PDLIM7: variants seen among roughly 807,000 people sequenced by gnomAD.
The protein encoded by PDLIM7 is PDZ and LIM domain protein 7.
In PDLIM7, 37 loss-of-function variants were observed where a neutral mutation model predicts 53.9. The ratio of observed to expected loss-of-function variants is 0.69; its 90% CI spans 0.53 to 0.90. The LOEUF (loss-of-function observed/expected upper bound fraction) is 0.90, where lower values mean the gene tolerates loss of function less well. PDLIM7 is among the 40% of genes least tolerant of loss of function. PDLIM7 has a pLI of 0.00. For synonymous variants in PDLIM7, 300 were observed against 261.3 expected, an observed-to-expected ratio of 1.15 and a Z score of -1.43; for missense variants, 617 against 638.5, an observed-to-expected ratio of 0.97 and a Z score of 0.36.
At position 177,484,089 on chromosome 5, in the gene PDLIM7, G is replaced by T; in HGVS notation, c.1152C>A (p.Gly384=). The change falls in exon 11 of 13, where the codon GGC becomes GGA. Residue 384 remains glycine (G), a synonymous_variant. Transcript: ENST00000355841. ...GGGTACCTCGCTCGCAATAGGGCAC[G>T]CCCTCCTCCATGTAGAAGGCCCTGT... ...IRNRAFYMEE[G]VPYCERDYEK... The T allele has an allele frequency of 6.2e-7, 1 of 1,613,990 alleles. No homozygotes were observed. Among genetic ancestry groups the T allele is most frequent in the South Asian group, 1.1e-5 (1 of 91,074 alleles).
chr5:177,483,570 AC>A lies in PDLIM7; in HGVS notation c.*73del, dbSNP rs1581748599. 8.7e-7 allele frequency: 1 copy of A among 1,142,946 alleles called. No homozygotes were observed. The highest frequency in any genetic ancestry group is 1.3e-6 in the Non-Finnish European group (1 of 780,574). 70.8% of individuals were successfully genotyped at this position (1,142,946 alleles called of 1,614,324 possible). A position where few individuals can be genotyped will look rare whatever the true frequency, so the allele number is the denominator to read the frequency against. On this transcript the variant is annotated 3_prime_UTR_variant, in exon 13 of 13. Transcript: ENST00000355841. ...GGTTAAGGCAACCATTGCCAGCCCT[AC>A]CCAGAAATGCAGGGCCACGACTCCA...
chr5:177,484,189 T>A lies in PDLIM7; in HGVS notation c.1052A>T (p.Glu351Val). 1 of 1,613,112 alleles carries A rather than the reference T, an allele frequency of 6.2e-7. No homozygotes were observed. The highest frequency in any genetic ancestry group is 8.5e-7 in the Non-Finnish European group (1 of 1,179,904). ...GGTCATCTTCAGGGCGTGCATGATC[T>A]CCTGGAAGGAGGTCCCAGTCACTCG... is the stretch of plus-strand genomic sequence containing the variant. ...CAKCKKKITG[E>V]IMHALKMTWH... The change falls in exon 11 of 13, where the codon GAG (glutamate) becomes GTG (valine). Residue 351 changes from glutamate (E) to valine (V), a missense_variant and splice_region_variant. Transcript: ENST00000355841.
chr5:177,489,588 G>C lies in PDLIM7; in HGVS notation c.674C>G (p.Ala225Gly), dbSNP rs1314275589. Residue 225 changes from alanine (A) to glycine (G), a missense_variant, in exon 9 of 13, where the codon GCT becomes GGT. Physicochemically the swap from Ala to Gly is moderately conservative, Grantham distance 60. Transcript: ENST00000355841. ...GCGCTCGGCAAACGCAGGGTCCACA[G>C]CCCAGGGCGGGCGGCTGGTAGGGCT... is the stretch of plus-strand genomic sequence containing the variant. Reference protein sequence around the residue: ...APSPTSRPPWAVDPAFAERYA... With the variant: ...APSPTSRPPWGVDPAFAERYA... The C allele has an allele frequency of 6.2e-7, 1 of 1,607,838 alleles. No individual in the cohort carries two copies. Among genetic ancestry groups the C allele is most frequent in the East Asian group, 2.2e-5 (1 of 44,756 alleles).
chr5:177,492,349 C>T, intron 4 of PDLIM7, 56 bp downstream of exon 4: 3 of 1,598,474 alleles, frequency 1.9e-6, no homozygotes, highest in Non-Finnish European at 1.7e-6. Flanking sequence ...GGCGAGCAGG[C>T]CTGGCCGTCC....
chr5:177,492,910 T>C (rs1433907139), intron 2 of PDLIM7: 12 of 546,530 alleles, frequency 2.2e-5, no homozygotes, highest in Non-Finnish European at 3.9e-5. Flanking sequence ...TGCCAGACCC[T>C]CTCCCTCAGG....
intron 9 of PDLIM7, among the ~76,000 whole-genome samples, chr5:177,488,926 AG>A (rs1222855561): frequency 6.7e-6 from 1 of 150,222 alleles, no homozygotes; most frequent in Non-Finnish European, 1.5e-5. Context: ...AGATGAGAGC[AG>A]GCCAGGCCTG....
chr5:177,493,662 G>A (rs1758917495), intron 2 of PDLIM7, among the ~76,000 whole-genome samples: 1 of 152,222 alleles, frequency 6.6e-6, no homozygotes, highest in South Asian at 2.1e-4. Flanking sequence ...GGGTGACCCT[G>A]ATAAACCCCT....
At chr5:177,496,876 G>C (rs1370314930) in intron 1 of PDLIM7, 1 of 169,862 alleles carries the variant, frequency 5.9e-6, no homozygotes, top group East Asian at 1.6e-4. Context: ...GTCAGGGGCC[G>C]GCTCTCCTCT....
At chr5:177,492,490 C>T in intron 3 of PDLIM7, 36 bp downstream of exon 3, 2 of 1,613,624 alleles carry the variant, frequency 1.2e-6, no homozygotes. Flanking sequence ...TCCCCACTGC[C>T]AGCGCGGGCG....
chr5:177,483,924 C>T lies in PDLIM7; in HGVS notation c.1230G>A (p.Gly410=). The T allele has an allele frequency of 6.2e-7, 1 of 1,613,858 alleles. No homozygotes were observed. Among genetic ancestry groups the T allele is most frequent in the Admixed American group, 1.7e-5 (1 of 60,020 alleles). ...CHGCDFKIDA[G]DRFLEALGFS... is the part of the protein sequence containing the mutation. ...AGCCCAGGGCCTCCAGGAAGCGGTC[C>T]CCAGCGTCGATCTTGAAGTCACAGC... The change falls in exon 12 of 13, where the codon GGG becomes GGA. Residue 410 remains glycine (G), a synonymous_variant. Transcript: ENST00000355841.
rs957060110 is a variant in PDLIM7 at position 177,492,441 on chromosome 5, G to A, written c.249-6C>T. On this transcript the variant is annotated splice_region_variant and splice_polypyrimidine_tract_variant and intron_variant, in intron 3 of 12. Coordinates refer to ENST00000355841, the MANE Select transcript of PDLIM7 (RefSeq NM_005451.5). Reference sequence around the variant, plus strand: ...TGCTCTGAACCGGCTGGGCCCTGGAGGAGAAGGAAAGCGTGACAGCGGGCC... The same window carrying A: ...TGCTCTGAACCGGCTGGGCCCTGGAAGAGAAGGAAAGCGTGACAGCGGGCC... 3.1e-6 allele frequency: 5 copies of A among 1,613,632 alleles called. No homozygotes were observed. In the East Asian group the frequency reaches 6.7e-5, roughly 22 times the overall value.
intron 7 of PDLIM7, chr5:177,490,572 C>T (rs1374611741): frequency 1.3e-6 from 2 of 1,558,368 alleles, no homozygotes; most frequent in South Asian, 1.2e-5. Flanking sequence ...GTGGGCTCTG[C>T]AGCTCCAGGA....
At chr5:177,491,184 G>T in intron 5 of PDLIM7, 38 bp from the exon 6 acceptor site, 1 of 1,566,204 alleles carries the variant, frequency 6.4e-7, no homozygotes, top group Non-Finnish European at 8.7e-7. Flanking sequence ...CACACTGGGG[G>T]TGGGCGGTGG....
At chr5:177,483,780 G>GCCCCTTC in intron 12 of PDLIM7, 50 bp from the exon 13 acceptor site, 3 of 1,578,808 alleles carry the variant, frequency 1.9e-6, no homozygotes, top group Non-Finnish European at 2.6e-6. Context: ...AGCAGGAGAG[G>GCCCCTTC]CCCCTTCCCA....
intron 5 of PDLIM7, 50 bp from the exon 6 acceptor site, chr5:177,491,196 G>A (rs757868923): frequency 6.4e-7 from 1 of 1,553,688 alleles, no homozygotes; most frequent in Non-Finnish European, 8.8e-7. Context: ...GGGCGGTGGG[G>A]GCAGCCCCTC....
chr5:177,488,357 A>G, intron 9 of PDLIM7, 109 bp from the exon 10 acceptor site: 2 of 833,978 alleles, frequency 2.4e-6, no homozygotes, highest in Middle Eastern at 3.6e-4. Flanking sequence ...GGGACAGTTC[A>G]TTCTCCCCAT....
chr5:177,495,329 C>T (rs1759014738), intron 2 of PDLIM7, among the ~76,000 whole-genome samples: 1 of 152,170 alleles, frequency 6.6e-6, no homozygotes, highest in Non-Finnish European at 1.5e-5. Context: ...TTGAGCCCCT[C>T]CTCAGGCCAC....
At chr5:177,490,530 C>T in intron 7 of PDLIM7, 1 of 1,566,310 alleles carries the variant, frequency 6.4e-7, no homozygotes, top group Non-Finnish European at 8.6e-7. Flanking sequence ...GGGCAGAGCG[C>T]TGGTGGTGCC....
intron 1 of PDLIM7, chr5:177,497,023 A>AGGGGAGGGGG (rs1759119876): frequency 2.5e-5 from 1 of 40,122 alleles, no homozygotes; most frequent in African/African-American, 9.7e-5. Context: ...GGGGGAGGGG[A>AGGGGAGGGGG]GGGGAGGGGA....
Sources: gnomAD v4.1 joint callset for allele counts (sites outside exome capture counted in the v4.1 genomes callset) on GRCh38, gnomAD v4.1.1 for gene constraint, MANE v1.5 for transcripts, NCBI Gene and HGNC (gene_info 2026-07-23, HGNC 2026-07-21) for gene names.